The following RASGRF1 variants were observed in gnomAD, a reference collection of about 807,000 sequenced individuals.
RASGRF1 encodes the protein ras-specific guanine nucleotide-releasing factor 1.
Under a neutral mutation model 138.7 loss-of-function variants are expected in RASGRF1, and 40 were observed. That is an observed-to-expected ratio of 0.29 (90% CI 0.22 to 0.38). The LOEUF (loss-of-function observed/expected upper bound fraction) is 0.38, where lower values mean the gene tolerates loss of function less well. RASGRF1 is among the 10% of genes least tolerant of loss of function. The pLI is 1.00. For synonymous variants in RASGRF1, 614 were observed against 663.2 expected (o/e 0.93, Z 1.14); for missense variants, 1,108 against 1,650.4 (o/e 0.67, Z 5.69).
intron 13 of RASGRF1, among the ~76,000 whole-genome samples, chr15:79,012,013 C>A (rs1008132100): frequency 2.3e-4 from 34 of 150,306 alleles, no homozygotes; most frequent in Non-Finnish European, 4.4e-4. Context: ...GAGACCCTGT[C>A]TCAAAGAAAA....
chr15:78,985,768 A>AC, intron 22 of RASGRF1: 2 of 151,874 alleles, frequency 1.3e-5, no homozygotes, highest in South Asian at 2.1e-4. Context: ...ATACACACAC[A>AC]AAAAAAATTA....
chr15:79,066,570 A>G (rs1284877631), intron 1 of RASGRF1, among the ~76,000 whole-genome samples: 1 of 152,186 alleles, frequency 6.6e-6, no homozygotes, highest in Non-Finnish European at 1.5e-5. Context: ...CTCCTTCCCT[A>G]CTGGGTCACC....
rs758415767 is a variant in RASGRF1, at chr15:79,072,267, C to CTTTTTTTTTTTTT, written c.277-7754_277-7742dup. Among the ~76,000 whole-genome samples, 27 of 61,578 alleles carry CTTTTTTTTTTTTT rather than the reference C, an allele frequency of 4.4e-4. 10 individuals are homozygous for CTTTTTTTTTTTTT. The highest frequency in any genetic ancestry group is 6.9e-4 in the African/African-American group (13 of 18,818). 40.4% of individuals were successfully genotyped at this position (61,578 alleles called of 152,430 possible). Reference sequence around the variant, plus strand: ...TTTCTGGGAGTTCTTGATAAACAATCTTTTTTTTTTTTTTTTTTTTTTTTT... The same window carrying CTTTTTTTTTTTTT: ...TTTCTGGGAGTTCTTGATAAACAATCTTTTTTTTTTTTTTTTTTTTTTTTTTTTTTTTTTTTTT... On this transcript the variant is annotated intron_variant, in intron 1 of 26. Transcript: ENST00000558480.
intron 1 of RASGRF1, among the ~76,000 whole-genome samples, chr15:79,081,738 G>C (rs1595977280): frequency 1.3e-5 from 2 of 152,138 alleles, no homozygotes; most frequent in African/African-American, 4.8e-5. Flanking sequence ...AGCCCCTCCA[G>C]GGAGGGCCCC....
chr15:79,005,648 T>C, intron 14 of RASGRF1: 1 of 991,016 alleles, frequency 1.0e-6, no homozygotes, highest in Non-Finnish European at 1.2e-6. Flanking sequence ...TCACCCCAAG[T>C]AGGCCAAAAA....
chr15:79,058,694 C>T (rs1348713312), intron 2 of RASGRF1, among the ~76,000 whole-genome samples: 2 of 152,116 alleles, frequency 1.3e-5, no homozygotes, highest in Middle Eastern at 3.2e-3. Flanking sequence ...GCGGTGGGCC[C>T]GAGTGCGAGC....
In RASGRF1 at chr15:79,004,079, C is replaced by T. The variant is rs377540755; in HGVS notation, c.2172G>A (p.Pro724=). ...ATGTCTTGGTGATGGACAGAGGTGG[C>T]GGCGAGGAGAACTTGCGGGTGGCGC... ...SPRATRKFSS[P]PPLSITKTSS... Residue 724 remains proline, a synonymous_variant, in exon 15 of 27, where the codon CCG becomes CCA. Transcript: ENST00000558480. The T allele has an allele frequency of 4.5e-5, 73 of 1,613,788 alleles. No individual in the cohort carries two copies. The highest frequency in any genetic ancestry group is 1.8e-4 in the Admixed American group (11 of 59,974).
Position 79,090,764 on chromosome 15 carries a change from G to C in RASGRF1, c.-266C>G, listed in dbSNP as rs1459714913. The C allele has an allele frequency of 8.0e-6, 4 of 501,988 alleles. No homozygotes were observed. The South Asian group carries it at 1.2e-4, about 16-fold the overall frequency. 31.1% of individuals were successfully genotyped at this position (501,988 alleles called of 1,614,324 possible). A position where few individuals can be genotyped will look rare whatever the true frequency, so the allele number is the denominator to read the frequency against. The stretch of plus-strand genomic sequence containing the variant: ...TGCCGCCCGACCCTCCTCCGGTGCC[G>C]GGCAAACTGAGGGACTGGCGATCTG... On this transcript the variant is annotated 5_prime_UTR_variant, in exon 1 of 27. Coordinates refer to ENST00000558480, the MANE Select transcript of RASGRF1 (RefSeq NM_001145648.3).
chr15:78,972,995 TG>T (rs1214081552), intron 25 of RASGRF1, among the ~76,000 whole-genome samples: 2 of 152,184 alleles, frequency 1.3e-5, no homozygotes, highest in Non-Finnish European at 2.9e-5. Flanking sequence ...GACCTTGGGC[TG>T]CTCACTTGAC....
At position 78,973,278 on chromosome 15, in the gene RASGRF1, C is replaced by T; in HGVS notation, c.3612+25G>A. 6.4e-7 allele frequency: 1 copy of T among 1,556,142 alleles called. No homozygotes were observed. The highest frequency in any genetic ancestry group is 8.8e-7 in the Non-Finnish European group (1 of 1,135,192). The stretch of plus-strand genomic sequence containing the variant: ...CATCTGGGCTTCAACGCCCCCCTTC[C>T]CCTGCCTGGCTGGGGGGAACGCACC... On this transcript the variant is annotated intron_variant, in intron 25 of 26. Transcript: ENST00000558480. The surrounding 1 kb of genome is among the most constrained non-coding windows in gnomAD (Gnocchi z 4.9).
Position 79,032,415 on chromosome 15 carries a change from G to T in RASGRF1, c.959-99C>A. On this transcript the variant is annotated intron_variant, in intron 6 of 26. Coordinates refer to ENST00000558480, the MANE Select transcript of RASGRF1 (RefSeq NM_001145648.3). This position sits in a 1 kb window ranked among gnomAD's most constrained non-coding sequence, Gnocchi z 4.5. ...CCCAGCTACACCCAGAGAGGCCAGG[G>T]GCCAGGTTCAAGTTCCCCACCCCAG... 1 of 1,238,916 alleles carries T rather than the reference G, an allele frequency of 8.1e-7. No homozygotes were observed. The highest frequency in any genetic ancestry group is 1.4e-5 in the South Asian group (1 of 69,550). 76.7% of individuals were successfully genotyped at this position (1,238,916 alleles called of 1,614,324 possible).
chr15:79,054,980 A>C (rs898010690), intron 3 of RASGRF1, among the ~76,000 whole-genome samples: 18 of 152,288 alleles, frequency 1.2e-4, no homozygotes, highest in African/African-American at 3.4e-4. Context: ...GTGGACTATG[A>C]GAGTGTAGGG....
rs535604931 is a variant in RASGRF1, at chr15:78,991,919, G to A, written c.3028-125C>T. 3.4e-5 allele frequency: 23 copies of A among 683,380 alleles called. No homozygotes were observed. In the East Asian group the frequency reaches 5.6e-4, roughly 16 times the overall value. 42.3% of individuals were successfully genotyped at this position (683,380 alleles called of 1,614,324 possible). ...GGTGGGCGGGTGGACGGGGTATGAC[G>A]CTGCCTCGAATCTGATGAGAGGGTG... On this transcript the variant is annotated intron_variant, in intron 20 of 26. Coordinates refer to ENST00000558480, the MANE Select transcript of RASGRF1 (RefSeq NM_001145648.3).
chr15:79,022,376 G>T lies in RASGRF1; in HGVS notation c.1543-2272C>A, dbSNP rs188811348. 1.7e-3 allele frequency among the ~76,000 whole-genome samples: 258 copies of T among 152,082 alleles called. 1 individual carries two copies. Among genetic ancestry groups the T allele is most frequent in the African/African-American group, 5.9e-3 (245 of 41,446 alleles). ...AATCTCTTGAACCTGGGAGGCAGAG[G>T]TTGCAGTGAGCCGAGATTGCGCCAT... On this transcript the variant is annotated intron_variant, in intron 10 of 26. Transcript: ENST00000558480.
In RASGRF1 at chr15:79,031,690, G is replaced by A. The variant is rs547084005; in HGVS notation, c.1153-181C>T. Among the ~76,000 whole-genome samples, 4 of 149,244 alleles carry A rather than the reference G, an allele frequency of 2.7e-5. No homozygotes were observed. The East Asian group carries it at 5.9e-4, about 22-fold the overall frequency. ...AGAGAGGTGGCGAGGGCGGGGGAAA[G>A]GGGGAGAGAGAGAGAGAGAGCGCGT... is the stretch of plus-strand genomic sequence containing the variant. On this transcript the variant is annotated intron_variant, in intron 7 of 26. Transcript: ENST00000558480.
intron 26 of RASGRF1, among the ~76,000 whole-genome samples, chr15:78,970,621 C>CAAAAA (rs55689628): frequency 6.6e-4 from 38 of 57,880 alleles, no homozygotes; most frequent in Admixed American, 1.5e-3. Context: ...GACTCTGTCT[C>CAAAAA]AAAAAAAAAA....
Position 78,962,045 on chromosome 15 carries a change from C to A in RASGRF1, c.*99G>T. The A allele has an allele frequency of 1.4e-6, 1 of 732,054 alleles. No homozygotes were observed. The highest frequency in any genetic ancestry group is 2.4e-6 in the Non-Finnish European group (1 of 424,134). 45.3% of individuals were successfully genotyped at this position (732,054 alleles called of 1,614,324 possible). A position where few individuals can be genotyped will look rare whatever the true frequency, so the allele number is the denominator to read the frequency against. Reference sequence around the variant, plus strand: ...AGGACGATTTGTATTCTTGGAGAAGCACATACTGAAGAAGAAAATCCAGTG... The same window carrying A: ...AGGACGATTTGTATTCTTGGAGAAGAACATACTGAAGAAGAAAATCCAGTG... On this transcript the variant is annotated 3_prime_UTR_variant, in exon 27 of 27. Transcript: ENST00000558480.
chr15:78,993,124 G>T (rs1256445054), intron 20 of RASGRF1, among the ~76,000 whole-genome samples: 1 of 146,144 alleles, frequency 6.8e-6, no homozygotes, highest in African/African-American at 2.5e-5. Context: ...GTGTGTGCAT[G>T]TGTATGTGGG....
chr15:78,976,582 A>ACACACACACACC (rs1567431859), intron 24 of RASGRF1, among the ~76,000 whole-genome samples: 1 of 151,842 alleles, frequency 6.6e-6, no homozygotes, highest in Non-Finnish European at 1.5e-5. Flanking sequence ...ACACACACAC[A>ACACACACACACC]CACCCATCCG....
Sources: allele counts gnomAD v4.1 joint callset (sites outside exome capture counted in the v4.1 genomes callset), GRCh38; gene constraint gnomAD v4.1.1; non-coding constraint Gnocchi (gnomAD v3.1); transcripts MANE v1.5; gene names NCBI Gene and HGNC (gene_info 2026-07-23, HGNC 2026-07-21).